Variants in MAGI1 observed in about 807,000 individuals in gnomAD.
MAGI1 encodes the protein membrane-associated guanylate kinase, WW and PDZ domain-containing protein 1.
In MAGI1, 58 loss-of-function variants were observed where a neutral mutation model predicts 139.9. The observed-to-expected ratio is 0.41, with a 90% CI of 0.34 to 0.52. The LOEUF (loss-of-function observed/expected upper bound fraction) is 0.52. MAGI1 is among the 20% of genes least tolerant of loss of function. The probability of loss-of-function intolerance (pLI) is 0.12; values close to 1 mark genes in which losing one functional copy is unlikely to be tolerated. For synonymous variants in MAGI1, 812 were observed against 737.9 expected, an observed-to-expected ratio of 1.10 and a Z score of -1.63; for missense variants, 1,874 against 1,901.6, an observed-to-expected ratio of 0.99 and a Z score of 0.27.
chr3:65,734,525 A>G (rs995537066), intron 1 of MAGI1, among the ~76,000 whole-genome samples: 5 of 147,854 alleles, frequency 3.4e-5, no homozygotes, highest in African/African-American at 7.6e-5. Flanking sequence ...GAAAGAGAGA[A>G]AGAGAGAGGG....
At chr3:65,378,238 A>G (rs1942720211) in intron 17 of MAGI1, among the ~76,000 whole-genome samples, 1 of 152,182 alleles carries the variant, frequency 6.6e-6, no homozygotes, top group East Asian at 1.9e-4. Flanking sequence ...TTGCTAGTGT[A>G]CCCAGAAGAG....
At chr3:65,478,530 G>T (rs1354212143) in intron 4 of MAGI1, 62 bp downstream of exon 4, 13 of 1,505,720 alleles carry the variant, frequency 8.6e-6, no homozygotes, top group Middle Eastern at 2.2e-4. Context: ...AAAACTCTAT[G>T]CAAAAGCCTC....
At chr3:65,727,372 T>A (rs1311540178) in intron 1 of MAGI1, among the ~76,000 whole-genome samples, 1 of 152,204 alleles carries the variant, frequency 6.6e-6, no homozygotes, top group Non-Finnish European at 1.5e-5. Context: ...TTATTATATA[T>A]ATAAAGAAAC....
chr3:65,703,037 G>A (rs934300333), intron 1 of MAGI1, among the ~76,000 whole-genome samples: 9 of 151,940 alleles, frequency 5.9e-5, no homozygotes, highest in Admixed American at 6.6e-5. Context: ...CTGAGAGGAC[G>A]GGCTTGGAGA....
intron 2 of MAGI1, among the ~76,000 whole-genome samples, chr3:65,524,089 G>A (rs1408063052): frequency 1.3e-5 from 2 of 151,996 alleles, no homozygotes; most frequent in Admixed American, 1.3e-4. Context: ...GAAGAGAAAA[G>A]GAAAAAGGAA....
At chr3:65,546,014 A>T (rs1917529) in intron 2 of MAGI1, among the ~76,000 whole-genome samples, 79,875 of 151,226 alleles carry the variant, frequency 0.53, 21,867 homozygotes, top group East Asian at 0.77. Context: ...ACACACACAC[A>T]CTCTCAAACT....
At chr3:65,655,557 G>C (rs2085827554) in intron 1 of MAGI1, among the ~76,000 whole-genome samples, 1 of 152,160 alleles carries the variant, frequency 6.6e-6, no homozygotes, top group Non-Finnish European at 1.5e-5. Flanking sequence ...ATGCAGAGGA[G>C]AATTTTTGAG....
intron 1 of MAGI1, among the ~76,000 whole-genome samples, chr3:65,683,887 A>AT (rs919702972): frequency 1.1e-4 from 16 of 151,860 alleles, no homozygotes; most frequent in African/African-American, 3.1e-4. Context: ...AAGTACTTTT[A>AT]TAAGAAAACT....
At chr3:65,953,714 C>G (rs1159959402) in intron 1 of MAGI1, among the ~76,000 whole-genome samples, 3 of 152,204 alleles carry the variant, frequency 2.0e-5, no homozygotes, top group Admixed American at 2.0e-4. Context: ...AGATAAATCT[C>G]TCTCAGACAA....
chr3:65,684,864 G>T (rs532866658), intron 1 of MAGI1, among the ~76,000 whole-genome samples: 1 of 142,364 alleles, frequency 7.0e-6, no homozygotes, highest in African/African-American at 2.8e-5. Context: ...ACCACACCTG[G>T]CTAATTTTTT....
intron 1 of MAGI1, among the ~76,000 whole-genome samples, chr3:65,963,020 G>C (rs2064527489): frequency 6.7e-6 from 1 of 150,010 alleles, no homozygotes; most frequent in African/African-American, 2.5e-5. Flanking sequence ...TTTGTTCAGA[G>C]AGTTCTGCTG....
intron 1 of MAGI1, among the ~76,000 whole-genome samples, chr3:65,798,723 G>T: frequency 6.6e-6 from 1 of 152,104 alleles, no homozygotes; most frequent in Admixed American, 6.5e-5. Flanking sequence ...TTCGCTTTCT[G>T]CAGTTTCAGT....
At chr3:65,986,904 T>G (rs181819846) in intron 1 of MAGI1, among the ~76,000 whole-genome samples, 1 of 148,362 alleles carries the variant, frequency 6.7e-6, no homozygotes, top group Admixed American at 6.8e-5. Flanking sequence ...AGAGTCTAAC[T>G]CTGTTGCCCA....
At chr3:65,969,165 C>A (rs2064899124) in intron 1 of MAGI1, among the ~76,000 whole-genome samples, 13 of 152,190 alleles carry the variant, frequency 8.5e-5, no homozygotes, top group Admixed American at 8.5e-4. Context: ...GACTTGAACA[C>A]CGTGGGGAGT....
At chr3:65,791,617 T>C (rs2039777732) in intron 1 of MAGI1, among the ~76,000 whole-genome samples, 1 of 151,950 alleles carries the variant, frequency 6.6e-6, no homozygotes, top group African/African-American at 2.4e-5. Context: ...AGGTGGAGGA[T>C]GGTCACAGAA....
intron 13 of MAGI1, 94 bp downstream of exon 13, chr3:65,401,345 A>T: frequency 6.9e-7 from 1 of 1,451,658 alleles, no homozygotes; most frequent in Non-Finnish European, 9.4e-7. Flanking sequence ...AAACACATTT[A>T]GTGAAGTGAA....
At chr3:65,491,662 A>C (rs1395598331) in intron 3 of MAGI1, among the ~76,000 whole-genome samples, 1 of 152,056 alleles carries the variant, frequency 6.6e-6, no homozygotes, top group Non-Finnish European at 1.5e-5. Context: ...TGCTGACAAC[A>C]TGTTGAAGAA....
intron 1 of MAGI1, chr3:65,913,990 G>T (rs2061782987): frequency 6.6e-6 from 1 of 151,516 alleles, no homozygotes; most frequent in Non-Finnish European, 1.5e-5. Context: ...CCATTAGAAA[G>T]GACAAAGGGA....
chr3:65,813,959 AG>A (rs976434192), intron 1 of MAGI1, among the ~76,000 whole-genome samples: 2 of 152,230 alleles, frequency 1.3e-5, no homozygotes, highest in African/African-American at 4.8e-5. Context: ...CATTCATCCC[AG>A]ACTTAGCCAT....
Sources: allele counts gnomAD v4.1 joint callset (sites outside exome capture counted in the v4.1 genomes callset), GRCh38; gene constraint gnomAD v4.1.1; transcripts MANE v1.5; gene names NCBI Gene and HGNC (gene_info 2026-07-23, HGNC 2026-07-21).